The following CAPZB variants were observed in gnomAD, a reference collection of about 807,000 sequenced individuals.
CAPZB encodes the protein capping actin protein of muscle Z-line subunit beta, also known as F-actin-capping protein subunit beta.
Under a neutral mutation model 38.1 loss-of-function variants are expected in CAPZB, and 2 were observed. The ratio of observed to expected loss-of-function variants is 0.05; its 90% confidence interval spans 0.02 to 0.17. The LOEUF is 0.17. Among genes scored for constraint, CAPZB ranks in the 10% least tolerant of loss-of-function variants. CAPZB has a pLI of 1.00. For synonymous variants in CAPZB, 107 were observed against 127.4 expected (o/e 0.84, Z 1.08); for missense variants, 161 against 334.2 (o/e 0.48, Z 4.04).
At chr1:19,359,208 CTCTTTTT>C (rs1254091602) in intron 4 of CAPZB, among the ~76,000 whole-genome samples, 2 of 94,488 alleles carry the variant, frequency 2.1e-5, no homozygotes, top group Non-Finnish European at 4.2e-5. Context: ...ATTCTCTGTA[CTCTTTTT>C]TTTTTTTTTT....
chr1:19,364,853 C>G (rs547984478), intron 4 of CAPZB, among the ~76,000 whole-genome samples: 1 of 145,880 alleles, frequency 6.9e-6, no homozygotes, highest in Non-Finnish European at 1.5e-5. Context: ...TTTTTTTTTT[C>G]TCTCTTTTTT....
At chr1:19,470,624 T>C (rs1428665335) in intron 1 of CAPZB, among the ~76,000 whole-genome samples, 3 of 152,196 alleles carry the variant, frequency 2.0e-5, no homozygotes, top group Non-Finnish European at 4.4e-5. Flanking sequence ...AGTGCTCCAG[T>C]GGTTTACTGT....
At chr1:19,363,545 G>A (rs1383378761) in intron 4 of CAPZB, among the ~76,000 whole-genome samples, 1 of 152,016 alleles carries the variant, frequency 6.6e-6, no homozygotes, top group Non-Finnish European at 1.5e-5. Context: ...GGACTTCTGG[G>A]GGGAAGGAGA....
chr1:19,341,443 A>G (rs1569848844), intron 8 of CAPZB, among the ~76,000 whole-genome samples: 1 of 152,066 alleles, frequency 6.6e-6, no homozygotes, highest in Non-Finnish European at 1.5e-5. Flanking sequence ...CACACGAAGG[A>G]GAAAGTTCCA....
At chr1:19,406,344 G>A (rs2094332128) in intron 2 of CAPZB, among the ~76,000 whole-genome samples, 1 of 152,164 alleles carries the variant, frequency 6.6e-6, no homozygotes, top group Admixed American at 6.5e-5. Flanking sequence ...GGGATGTTGG[G>A]GTCTTGTGCT....
At chr1:19,439,960 C>G (rs746172766) in intron 1 of CAPZB, among the ~76,000 whole-genome samples, 1 of 152,216 alleles carries the variant, frequency 6.6e-6, no homozygotes, top group Non-Finnish European at 1.5e-5. Flanking sequence ...TGGCTGCCAT[C>G]CACATCATCT....
chr1:19,356,693 A>T lies in CAPZB; in HGVS notation c.530T>A (p.Leu177Gln). 2.5e-6 allele frequency: 4 copies of T among 1,614,148 alleles called. No individual in the cohort carries two copies. Among genetic ancestry groups the T allele is most frequent in the Non-Finnish European group, 3.4e-6 (4 of 1,180,012 alleles). Residue 177 changes from leucine to glutamine, a missense_variant, in exon 6 of 9, where the codon CTG (leucine) becomes CAG (glutamine). By Grantham distance (113) the Leu-to-Gln change is moderately radical. Transcript: ENST00000264202. The surrounding 1 kb of genome is among the most constrained non-coding windows in gnomAD (Gnocchi z 4.3). Reference sequence around the variant, plus strand: ...GCCAGAGCCAGATTTGTTGGTCTGCAGCCACAGCATCACCGTGGAGGTCAA... The same window carrying T: ...GCCAGAGCCAGATTTGTTGGTCTGCTGCCACAGCATCACCGTGGAGGTCAA... ...YKLTSTVMLW[L>Q]QTNKSGSGTM...
At chr1:19,384,442 C>T (rs1280881100) in intron 3 of CAPZB, among the ~76,000 whole-genome samples, 10 of 152,224 alleles carry the variant, frequency 6.6e-5, no homozygotes, top group Non-Finnish European at 7.3e-5. Flanking sequence ...TTATTTTCTT[C>T]AGGAAGCATT....
At chr1:19,396,916 A>G (rs890341054) in intron 2 of CAPZB, among the ~76,000 whole-genome samples, 9 of 151,954 alleles carry the variant, frequency 5.9e-5, no homozygotes, top group Middle Eastern at 3.2e-3. Flanking sequence ...TGGCGCCACT[A>G]CACTCCAGCC....
In CAPZB at chr1:19,369,303, C is replaced by CT. The variant is rs34751175; in HGVS notation, c.329+9236_329+9237insA. Reference sequence around the variant, plus strand: ...CTGTAGCAGACACCCCCACTAGGAGCAGTGGTCACGAAAGAGCTGAAACGC... The same window carrying CT: ...CTGTAGCAGACACCCCCACTAGGAGCTAGTGGTCACGAAAGAGCTGAAACGC... On this transcript the variant is annotated intron_variant, in intron 4 of 8. Coordinates refer to ENST00000264202, the MANE Select transcript of CAPZB (RefSeq NM_004930.5). Among the ~76,000 whole-genome samples, 1,500 of 152,340 alleles carry CT rather than the reference C, an allele frequency of 9.8e-3. 64 individuals are homozygous for CT. The East Asian group carries it at 0.14, about 14-fold the overall frequency.
intron 8 of CAPZB, among the ~76,000 whole-genome samples, chr1:19,341,030 C>T (rs1054743084): frequency 6.6e-6 from 1 of 152,138 alleles, no homozygotes; most frequent in African/African-American, 2.4e-5. Context: ...AGCAACAGCA[C>T]CCAGACTGAG....
intron 4 of CAPZB, among the ~76,000 whole-genome samples, chr1:19,370,729 G>A (rs1162294113): frequency 6.6e-6 from 1 of 152,122 alleles, no homozygotes; most frequent in Non-Finnish European, 1.5e-5. Context: ...GGCCAAGCTG[G>A]CAAGCATGCC....
chr1:19,452,107 C>T (rs1468727994), intron 1 of CAPZB, among the ~76,000 whole-genome samples: 1 of 152,088 alleles, frequency 6.6e-6, no homozygotes, highest in African/African-American at 2.4e-5. Flanking sequence ...CCAGTCCTCA[C>T]TGCCCACCCC....
chr1:19,351,670 G>A (rs1400037838), intron 6 of CAPZB, among the ~76,000 whole-genome samples: 1 of 152,190 alleles, frequency 6.6e-6, no homozygotes, highest in African/African-American at 2.4e-5. Flanking sequence ...GAAAGTTCCT[G>A]AGCTAGGATC....
At chr1:19,355,032 G>A (rs1433853508) in intron 6 of CAPZB, among the ~76,000 whole-genome samples, 4 of 152,180 alleles carry the variant, frequency 2.6e-5, no homozygotes, top group African/African-American at 4.8e-5. Context: ...AAAGAGGACC[G>A]CAACATCCCT....
At chr1:19,378,679 T>TA (rs1292798726) in intron 3 of CAPZB, 26 bp from the exon 4 acceptor site, 1 of 1,257,428 alleles carries the variant, frequency 8.0e-7, no homozygotes. Flanking sequence ...GAAAAGTATA[T>TA]ACCATGAATC....
intron 2 of CAPZB, among the ~76,000 whole-genome samples, chr1:19,416,307 G>A (rs2094379007): frequency 1.3e-5 from 2 of 152,142 alleles, no homozygotes; most frequent in South Asian, 4.1e-4. Context: ...CATTTACTCT[G>A]TTGCTTTCAG....
At chr1:19,369,630 C>A (rs2094109474) in intron 4 of CAPZB, among the ~76,000 whole-genome samples, 1 of 152,218 alleles carries the variant, frequency 6.6e-6, no homozygotes, top group African/African-American at 2.4e-5. Context: ...CCCTGCTGTC[C>A]CGAGTGCAAG....
intron 1 of CAPZB, among the ~76,000 whole-genome samples, chr1:19,432,112 A>G (rs1257212721): frequency 6.6e-6 from 1 of 152,008 alleles, no homozygotes; most frequent in Non-Finnish European, 1.5e-5. Context: ...AAAATTCTAC[A>G]TTATTAGCAT....
Sources: allele counts gnomAD v4.1 joint callset (sites outside exome capture counted in the v4.1 genomes callset), GRCh38; gene constraint gnomAD v4.1.1; non-coding constraint Gnocchi (gnomAD v3.1); transcripts MANE v1.5; gene names NCBI Gene and HGNC (gene_info 2026-07-23, HGNC 2026-07-21).